CNR2: variants seen among roughly 807,000 people sequenced by gnomAD.
CNR2 encodes cannabinoid receptor 2, also known as cannabinoid receptor 2 (macrophage).
For missense variants in CNR2, 379 were observed against 439.9 expected, an observed-to-expected ratio of 0.86 and a Z score of 1.24; for synonymous variants, 172 against 182.2, an observed-to-expected ratio of 0.94 and a Z score of 0.45.
Position 23,871,814 on chromosome 1 carries a change from C to T in CNR2, c.*2721G>A, listed in dbSNP as rs969682665. On this transcript the variant is annotated 3_prime_UTR_variant, in exon 2 of 2. Transcript: ENST00000374472. ...CATACTATTAGGATTAGGGTGGGCC[C>T]AAATCCAGTGACTGATATTCTTTAA... 1 of 151,898 alleles carries T rather than the reference C, an allele frequency of 6.6e-6. No individual in the cohort carries two copies. Among genetic ancestry groups the T allele is most frequent in the Non-Finnish European group, 1.5e-5 (1 of 68,010 alleles). The allele number at this position is 151,898 out of a possible 1,614,324, so 9.4% of individuals were successfully genotyped here. A position where few individuals can be genotyped will look rare whatever the true frequency, so the allele number is the denominator to read the frequency against.
chr1:23,874,315 G>C lies in CNR2; in HGVS notation c.*220C>G. Reference sequence around the variant, plus strand: ...CAGGCCTTTTGTGTCTCGCCTACCTGGCTACTCCTCGTGGCCCTACCTATC... The same window carrying C: ...CAGGCCTTTTGTGTCTCGCCTACCTCGCTACTCCTCGTGGCCCTACCTATC... On this transcript the variant is annotated 3_prime_UTR_variant, in exon 2 of 2. Coordinates refer to ENST00000374472, the MANE Select transcript of CNR2 (RefSeq NM_001841.3). 1 of 537,552 alleles carries C rather than the reference G, an allele frequency of 1.9e-6. No homozygotes were observed. Among genetic ancestry groups the C allele is most frequent in the Non-Finnish European group, 3.3e-6 (1 of 300,352 alleles). 33.3% of individuals were successfully genotyped at this position (537,552 alleles called of 1,614,324 possible). A position where few individuals can be genotyped will look rare whatever the true frequency, so the allele number is the denominator to read the frequency against.
chr1:23,902,131 G>C (rs1437232265), intron 1 of CNR2: 4 of 1,424,402 alleles, frequency 2.8e-6, no homozygotes, highest in East Asian at 2.3e-5. Flanking sequence ...CTTGTTTCGT[G>C]GGGTGACTGG....
intron 1 of CNR2, among the ~76,000 whole-genome samples, chr1:23,897,205 G>T (rs897543079): frequency 1.3e-5 from 2 of 151,968 alleles, no homozygotes; most frequent in African/African-American, 4.8e-5. Context: ...ATCTCAAAAG[G>T]TCCTTCAAAC....
chr1:23,893,040 T>G (rs1640215703), intron 1 of CNR2, among the ~76,000 whole-genome samples: 1 of 152,140 alleles, frequency 6.6e-6, no homozygotes, highest in African/African-American at 2.4e-5. Flanking sequence ...AAAGAATGTG[T>G]AATGTATAGG....
chr1:23,911,107 T>A (rs545566779), intron 1 of CNR2, among the ~76,000 whole-genome samples: 148 of 141,330 alleles, frequency 1.0e-3, no homozygotes, highest in African/African-American at 3.8e-3. Context: ...CAACCCTTCT[T>A]CCTGTCCTTT....
At position 23,870,621 on chromosome 1, in the gene CNR2, A is replaced by G. The variant is rs891319892; in HGVS notation, c.*3914T>C. The G allele has an allele frequency of 6.6e-6, 1 of 152,186 alleles. No individual in the cohort carries two copies. The highest frequency in any genetic ancestry group is 1.5e-5 in the Non-Finnish European group (1 of 68,048). The allele number at this position is 152,186 out of a possible 1,614,324, so 9.4% of individuals were successfully genotyped here. On this transcript the variant is annotated 3_prime_UTR_variant, in exon 2 of 2. Transcript: ENST00000374472. ...TCAATTTATTTCTCCTTATCCACAT[A>G]ACCAAAATGTGAACCTGCAGGGACA...
In CNR2 at chr1:23,893,254, T is replaced by C. The variant is rs372893642; in HGVS notation, c.-45-17592A>G. Among the ~76,000 whole-genome samples the C allele has an allele frequency of 2.6e-5, 4 of 152,286 alleles. No individual in the cohort carries two copies. In the South Asian group the frequency reaches 6.2e-4, roughly 24 times the overall value. Reference sequence around the variant, plus strand: ...ACCTTTCCTGGACCTTCCTTCTGCATCATCATCTCCAGCCTCTCTCCTGGG... The same window carrying C: ...ACCTTTCCTGGACCTTCCTTCTGCACCATCATCTCCAGCCTCTCTCCTGGG... On this transcript the variant is annotated intron_variant, in intron 1 of 1. Transcript: ENST00000374472.
At chr1:23,906,284 C>T (rs1200362601) in intron 1 of CNR2, among the ~76,000 whole-genome samples, 1 of 152,022 alleles carries the variant, frequency 6.6e-6, no homozygotes, top group Non-Finnish European at 1.5e-5. Context: ...TCTCCTTGAG[C>T]CCCACTGTCC....
At chr1:23,908,021 C>T (rs1268027855) in intron 1 of CNR2, 1 of 125,018 alleles carries the variant, frequency 8.0e-6, no homozygotes, top group African/African-American at 3.0e-5. Context: ...GAGTCTCCCT[C>T]TGTTACCAGG....
chr1:23,886,749 A>G (rs1640097958), intron 1 of CNR2, among the ~76,000 whole-genome samples: 1 of 152,260 alleles, frequency 6.6e-6, no homozygotes, highest in Non-Finnish European at 1.5e-5. Context: ...GAATGGGGAT[A>G]TAATTTGCCT....
chr1:23,906,879 G>A (rs1297118165), intron 1 of CNR2, among the ~76,000 whole-genome samples: 2 of 148,838 alleles, frequency 1.3e-5, no homozygotes, highest in Admixed American at 6.7e-5. Flanking sequence ...GTGACAAAGT[G>A]AGACTCTGTG....
intron 1 of CNR2, chr1:23,907,070 A>C (rs1308140449): frequency 6.6e-6 from 1 of 151,952 alleles, no homozygotes; most frequent in Non-Finnish European, 1.5e-5. Flanking sequence ...TATGCCATAT[A>C]AGAAAGTTGA....
At chr1:23,879,362 C>T (rs2148458617) in intron 1 of CNR2, among the ~76,000 whole-genome samples, 1 of 152,246 alleles carries the variant, frequency 6.6e-6, no homozygotes, top group South Asian at 2.1e-4. Flanking sequence ...TGCCTGAAAT[C>T]CTGGCACTTT....
Position 23,870,787 on chromosome 1 carries a change from A to C in CNR2, c.*3748T>G, listed in dbSNP as rs1230760661. Reference sequence around the variant, plus strand: ...ATTTCCTCAACCAAACAACAAGGGCAGTTCTCAGTGATATCTAGGTCCCTT... The same window carrying C: ...ATTTCCTCAACCAAACAACAAGGGCCGTTCTCAGTGATATCTAGGTCCCTT... On this transcript the variant is annotated 3_prime_UTR_variant, in exon 2 of 2. Coordinates refer to ENST00000374472, the MANE Select transcript of CNR2 (RefSeq NM_001841.3). The C allele has an allele frequency of 6.6e-6, 1 of 152,232 alleles. No homozygotes were observed. The highest frequency in any genetic ancestry group is 1.5e-5 in the Non-Finnish European group (1 of 68,078). 9.4% of individuals were successfully genotyped at this position (152,232 alleles called of 1,614,324 possible). A position where few individuals can be genotyped will look rare whatever the true frequency, so the allele number is the denominator to read the frequency against.
chr1:23,893,534 T>C (rs1445674799), intron 1 of CNR2, among the ~76,000 whole-genome samples: 2 of 152,218 alleles, frequency 1.3e-5, no homozygotes, highest in African/African-American at 2.4e-5. Context: ...GGTTGCCTGA[T>C]TGAACTATCA....
At position 23,873,260 on chromosome 1, in the gene CNR2, C is replaced by CGG. The variant is rs1553139153; in HGVS notation, c.*1274_*1275insCC. 6.6e-6 allele frequency: 1 copy of CGG among 151,400 alleles called. No individual in the cohort carries two copies. Among genetic ancestry groups the CGG allele is most frequent in the African/African-American group, 2.4e-5 (1 of 41,258 alleles). 9.4% of individuals were successfully genotyped at this position (151,400 alleles called of 1,614,324 possible). A position where few individuals can be genotyped will look rare whatever the true frequency, so the allele number is the denominator to read the frequency against. ...TCTATTTTATTTTATTTTTTTGAGA[C>CGG]AGTCTTGCTCTGTCACCCAGGCTGG... On this transcript the variant is annotated 3_prime_UTR_variant, in exon 2 of 2. Coordinates refer to ENST00000374472, the MANE Select transcript of CNR2 (RefSeq NM_001841.3).
At chr1:23,878,238 C>T (rs1639922801) in intron 1 of CNR2, among the ~76,000 whole-genome samples, 1 of 151,810 alleles carries the variant, frequency 6.6e-6, no homozygotes, top group East Asian at 2.0e-4. Flanking sequence ...GTGGTGCATG[C>T]CTATTGTCTC....
At chr1:23,909,054 G>C (rs565929374) in intron 1 of CNR2, among the ~76,000 whole-genome samples, 1 of 151,958 alleles carries the variant, frequency 6.6e-6, no homozygotes, top group Admixed American at 6.6e-5. Context: ...GAAGCTCACC[G>C]GACACCGAAC....
At chr1:23,898,952 C>A (rs952873333) in intron 1 of CNR2, among the ~76,000 whole-genome samples, 1 of 151,980 alleles carries the variant, frequency 6.6e-6, no homozygotes, top group East Asian at 1.9e-4. Context: ...CACACCTGGC[C>A]CGTACTATAT....
Sources: allele counts gnomAD v4.1 joint callset (sites outside exome capture counted in the v4.1 genomes callset), GRCh38; gene constraint gnomAD v4.1.1; transcripts MANE v1.5; gene names NCBI Gene and HGNC (gene_info 2026-07-23, HGNC 2026-07-21).